PGM2L1: variants seen among roughly 807,000 people sequenced by gnomAD.
The protein encoded by PGM2L1 is phosphoglucomutase 2 like 1.
In PGM2L1, 35 loss-of-function variants were observed where a neutral mutation model predicts 73.4. The observed-to-expected ratio is 0.48, with a 90% CI of 0.36 to 0.63. The LOEUF (loss-of-function observed/expected upper bound fraction) is 0.63. Ranked by LOEUF, PGM2L1 falls within the 30% of genes least tolerant of loss-of-function variation. The pLI is 0.00. For synonymous variants in PGM2L1, 225 were observed against 253.8 expected (o/e 0.89, Z 1.08); for missense variants, 570 against 742.0 (o/e 0.77, Z 2.69).
chr11:74,394,941 TCAGTTTCTCTGTTAAAAGA>T (rs994075924), intron 1 of PGM2L1, among the ~76,000 whole-genome samples: 3 of 15,806 alleles, frequency 1.9e-4, no homozygotes, highest in African/African-American at 6.9e-4. Flanking sequence ...GGTGTTAAAA[TCAGTTTCTCTGTTAAAAGA>T]CTACATATGC....
chr11:74,334,632 A>T lies in PGM2L1; in HGVS notation c.*2020T>A, dbSNP rs894159871. ...AATAGTGGCAATACAATAGTTGGAC[A>T]ATTAGGTTTGGATTATATGAGCTCA... On this transcript the variant is annotated 3_prime_UTR_variant, in exon 14 of 14. Transcript: ENST00000298198. 1 of 152,250 alleles carries T rather than the reference A, an allele frequency of 6.6e-6. No homozygotes were observed. Among genetic ancestry groups the T allele is most frequent in the African/African-American group, 2.4e-5 (1 of 41,468 alleles). 9.4% of individuals were successfully genotyped at this position (152,250 alleles called of 1,614,324 possible).
intron 5 of PGM2L1, among the ~76,000 whole-genome samples, chr11:74,365,823 G>A (rs1239832397): frequency 1.3e-5 from 2 of 152,044 alleles, no homozygotes; most frequent in East Asian, 3.9e-4. Flanking sequence ...AAGGATCTAG[G>A]ACTAGAAATA....
chr11:74,374,259 T>C (rs1276325495), intron 2 of PGM2L1, among the ~76,000 whole-genome samples, 156 bp downstream of exon 2: 2 of 151,680 alleles, frequency 1.3e-5, no homozygotes, highest in African/African-American at 4.8e-5. Context: ...AATTTTTGTA[T>C]TTTTAGTAGA....
At chr11:74,361,199 G>A (rs1026281982) in intron 5 of PGM2L1, among the ~76,000 whole-genome samples, 1 of 152,130 alleles carries the variant, frequency 6.6e-6, no homozygotes, top group African/African-American at 2.4e-5. Flanking sequence ...CTGAGACAAA[G>A]CTTCTAGAGG....
chr11:74,353,872 T>TCCCAGAGGGGGCA (rs1862400022), intron 5 of PGM2L1, among the ~76,000 whole-genome samples: 1 of 16,896 alleles, frequency 5.9e-5, no homozygotes, highest in Non-Finnish European at 1.1e-4. Context: ...ATGGGGTGGC[T>TCCCAGAGGGGGCA]GCCGGGCGGG....
intron 12 of PGM2L1, among the ~76,000 whole-genome samples, chr11:74,340,932 T>A (rs1404001336): frequency 2.0e-5 from 3 of 151,956 alleles, no homozygotes; most frequent in Non-Finnish European, 2.9e-5. Context: ...TGCAGAAATT[T>A]AAAAAAAATG....
At chr11:74,355,028 A>T in intron 5 of PGM2L1, 1 of 1,303,864 alleles carries the variant, frequency 7.7e-7, no homozygotes, top group Non-Finnish European at 1.1e-6. Context: ...CCAGCCAAAG[A>T]GGTCGAAGTG....
At chr11:74,354,724 T>C in intron 5 of PGM2L1, 1 of 1,076,456 alleles carries the variant, frequency 9.3e-7, no homozygotes, top group Non-Finnish European at 1.4e-6. Context: ...AAGAGAAAAT[T>C]CTCAAACACC....
At position 74,330,750 on chromosome 11, in the gene PGM2L1, G is replaced by A. The variant is rs1302389493; in HGVS notation, c.*5902C>T. 6.6e-6 allele frequency: 1 copy of A among 152,572 alleles called. No individual in the cohort carries two copies. The highest frequency in any genetic ancestry group is 1.5e-5 in the Non-Finnish European group (1 of 68,038). The allele number at this position is 152,572 out of a possible 1,614,324, so 9.5% of individuals were successfully genotyped here. The stretch of plus-strand genomic sequence containing the variant: ...AAGGTAGTGCTACTAGGCTCAAAAT[G>A]ACACTTAGACTAGTGATATTAAGTC... On this transcript the variant is annotated 3_prime_UTR_variant, in exon 14 of 14. Transcript: ENST00000298198.
At position 74,374,647 on chromosome 11, in the gene PGM2L1, T is replaced by C. The variant is rs996713428; in HGVS notation, c.112-65A>G. On this transcript the variant is annotated intron_variant, in intron 1 of 13. Transcript: ENST00000298198. ...GCAGAGTCCTAATATTAAGCCCTTCTGAGGGGTCAATATGTACATATCACA... is the reference window on the plus strand; with the variant it reads ...GCAGAGTCCTAATATTAAGCCCTTCCGAGGGGTCAATATGTACATATCACA... 3.5e-5 allele frequency: 49 copies of C among 1,407,050 alleles called. No individual in the cohort carries two copies. The Middle Eastern group carries it at 9.1e-4, about 26-fold the overall frequency. The allele number at this position is 1,407,050 out of a possible 1,614,324, so 87.2% of individuals were successfully genotyped here. A position where few individuals can be genotyped will look rare whatever the true frequency, so the allele number is the denominator to read the frequency against.
intron 5 of PGM2L1, among the ~76,000 whole-genome samples, chr11:74,362,980 A>G (rs977822478): frequency 1.3e-5 from 2 of 152,206 alleles, no homozygotes; most frequent in African/African-American, 4.8e-5. Context: ...TTGACCACAT[A>G]CTTGGAAGTA....
intron 1 of PGM2L1, among the ~76,000 whole-genome samples, chr11:74,379,741 T>C (rs533974878): frequency 2.0e-5 from 3 of 151,680 alleles, no homozygotes; most frequent in Non-Finnish European, 4.4e-5. Context: ...CTGGACAACA[T>C]GGTAAAACCC....
chr11:74,371,846 T>A (rs1460776527), intron 2 of PGM2L1, 29 bp from the exon 3 acceptor site: 2 of 1,506,824 alleles, frequency 1.3e-6, no homozygotes, highest in Non-Finnish European at 1.8e-6. Context: ...AAAGATTAGT[T>A]CTAATGGATG....
chr11:74,367,201 G>T (rs1299259078), intron 5 of PGM2L1, among the ~76,000 whole-genome samples: 4 of 152,166 alleles, frequency 2.6e-5, no homozygotes, highest in African/African-American at 9.7e-5. Context: ...TATATGTTGT[G>T]GGGGAATCAA....
In PGM2L1 at chr11:74,397,255, C is replaced by T. The variant is rs1863190302; in HGVS notation, c.111+796G>A. Among the ~76,000 whole-genome samples the T allele has an allele frequency of 2.0e-5, 3 of 152,084 alleles. No individual in the cohort carries two copies. The South Asian group carries it at 6.2e-4, about 31-fold the overall frequency. Reference sequence around the variant, plus strand: ...CTTCCTCTGTTGGAGCTACCAGGGACCTCTTTTACAAGTAAGATAGCTGCA... The same window carrying T: ...CTTCCTCTGTTGGAGCTACCAGGGATCTCTTTTACAAGTAAGATAGCTGCA... On this transcript the variant is annotated intron_variant, in intron 1 of 13. Transcript: ENST00000298198.
At chr11:74,363,339 C>A (rs999146397) in intron 5 of PGM2L1, among the ~76,000 whole-genome samples, 2 of 151,874 alleles carry the variant, frequency 1.3e-5, no homozygotes, top group African/African-American at 4.8e-5. Context: ...ACTAGAGAAG[C>A]AAGAGCAAAC....
chr11:74,348,049 T>C (rs555700405), intron 6 of PGM2L1, among the ~76,000 whole-genome samples: 32 of 152,272 alleles, frequency 2.1e-4, no homozygotes, highest in Admixed American at 2.0e-3. Context: ...GGGAACTTCC[T>C]AATCGTCCCA....
In PGM2L1 at chr11:74,334,376, T is replaced by C. The variant is rs1862059929; in HGVS notation, c.*2276A>G. ...ACATTATACCACTTTGCAGAATATA[T>C]GCCATTTCCTAAATTACAATCTACA... is the stretch of plus-strand genomic sequence containing the variant. On this transcript the variant is annotated 3_prime_UTR_variant, in exon 14 of 14. Coordinates refer to ENST00000298198, the MANE Select transcript of PGM2L1 (RefSeq NM_173582.6). 1.3e-5 allele frequency: 2 copies of C among 152,220 alleles called. No homozygotes were observed. The highest frequency in any genetic ancestry group is 2.4e-5 in the African/African-American group (1 of 41,460). 9.4% of individuals were successfully genotyped at this position (152,220 alleles called of 1,614,324 possible). A position where few individuals can be genotyped will look rare whatever the true frequency, so the allele number is the denominator to read the frequency against.
Position 74,336,631 on chromosome 11 carries a change from T to A in PGM2L1, c.*21A>T. 1.3e-6 allele frequency: 2 copies of A among 1,534,508 alleles called. No individual in the cohort carries two copies. Among genetic ancestry groups the A allele is most frequent in the Non-Finnish European group, 1.8e-6 (2 of 1,117,876 alleles). Reference sequence around the variant, plus strand: ...CTCTGTTCCATATGCCCACACAGTGTCATGACATATTGGTGTACCCCTAAA... The same window carrying A: ...CTCTGTTCCATATGCCCACACAGTGACATGACATATTGGTGTACCCCTAAA... On this transcript the variant is annotated 3_prime_UTR_variant, in exon 14 of 14. Transcript: ENST00000298198.
Sources: gnomAD v4.1 joint callset for allele counts (sites outside exome capture counted in the v4.1 genomes callset) on GRCh38, gnomAD v4.1.1 for gene constraint, MANE v1.5 for transcripts, NCBI Gene and HGNC (gene_info 2026-07-23, HGNC 2026-07-21) for gene names.